TMEM192: variants seen among roughly 807,000 people sequenced by gnomAD.
TMEM192 encodes transmembrane protein 192.
In TMEM192, 20 loss-of-function variants were observed where a neutral mutation model predicts 26.7. That is an observed-to-expected ratio of 0.75 (90% CI 0.53 to 1.09). The LOEUF (loss-of-function observed/expected upper bound fraction) is 1.09, where lower values mean the gene tolerates loss of function less well. Among genes scored for constraint, TMEM192 ranks in the 50% least tolerant of loss-of-function variants. The pLI is 0.00. For missense variants in TMEM192, 304 were observed against 322.6 expected (o/e 0.94, Z 0.44); for synonymous variants, 124 against 121.0 (o/e 1.02, Z -0.16).
chr4:165,078,880 C>G lies in TMEM192; in HGVS notation c.*778G>C, dbSNP rs1299441391. The G allele has an allele frequency of 6.6e-6, 1 of 152,182 alleles. No individual in the cohort carries two copies. The highest frequency in any genetic ancestry group is 1.5e-5 in the Non-Finnish European group (1 of 68,042). 9.4% of individuals were successfully genotyped at this position (152,182 alleles called of 1,614,324 possible). ...TCTCGGCTCACTGCAAGCTCCGCCT[C>G]CTGGGTCCACACCATTCTCCTGCCT... is the stretch of plus-strand genomic sequence containing the variant. On this transcript the variant is annotated 3_prime_UTR_variant, in exon 6 of 6. Coordinates refer to ENST00000306480, the MANE Select transcript of TMEM192 (RefSeq NM_001100389.2).
rs765146576 is a variant in TMEM192 at position 165,085,625 on chromosome 4, T to C, written c.638A>G (p.Tyr213Cys). Residue 213 changes from tyrosine (Y) to cysteine (C), a missense_variant, in exon 5 of 6, where the codon TAT becomes TGT. Physicochemically the swap from Tyr to Cys is radical, Grantham distance 194. Transcript: ENST00000306480. ...CGAGGTAATATTGCTGGGGTAAGCA[T>C]AGATTTTTTCTTCTTCAAGTATATC... The part of the protein sequence containing the change: ...EPDILEEEKI[Y>C]AYPSNITSET... 3 of 1,612,952 alleles carry C rather than the reference T, an allele frequency of 1.9e-6. No individual in the cohort carries two copies. Among genetic ancestry groups the C allele is most frequent in the Non-Finnish European group, 2.5e-6 (3 of 1,179,624 alleles).
rs550358438 is a variant in TMEM192, at chr4:165,074,729, C to A, written c.*4929G>T. ...AAGTGCTGGAATTACCGGTGTGAGC[C>A]ACTGCGCCCAGCCTTAATTTTGTAT... On this transcript the variant is annotated 3_prime_UTR_variant, in exon 6 of 6. Coordinates refer to ENST00000306480, the MANE Select transcript of TMEM192 (RefSeq NM_001100389.2). 2 of 152,134 alleles carry A rather than the reference C, an allele frequency of 1.3e-5. No homozygotes were observed. Among genetic ancestry groups the A allele is most frequent in the South Asian group, 4.2e-4 (2 of 4,804 alleles). 9.4% of individuals were successfully genotyped at this position (152,134 alleles called of 1,614,324 possible).
At chr4:165,099,233 C>A (rs1734984597) in intron 3 of TMEM192, among the ~76,000 whole-genome samples, 1 of 149,956 alleles carries the variant, frequency 6.7e-6, no homozygotes, top group Non-Finnish European at 1.5e-5. Flanking sequence ...ACCACAGGGG[C>A]ACACCACCAC....
intron 1 of TMEM192, among the ~76,000 whole-genome samples, chr4:165,111,278 G>A (rs1055333474): frequency 6.6e-6 from 1 of 152,076 alleles, no homozygotes; most frequent in African/African-American, 2.4e-5. Context: ...ATTTTTAGTG[G>A]AGACGGGGTT....
intron 1 of TMEM192, among the ~76,000 whole-genome samples, chr4:165,105,989 G>A (rs1283591193): frequency 6.6e-6 from 1 of 152,144 alleles, no homozygotes; most frequent in Non-Finnish European, 1.5e-5. Flanking sequence ...GCAGCAAGAA[G>A]GCGCCATCTT....
At chr4:165,097,260 C>T (rs1429819173) in intron 3 of TMEM192, among the ~76,000 whole-genome samples, 3 of 151,932 alleles carry the variant, frequency 2.0e-5, no homozygotes, top group South Asian at 2.1e-4. Flanking sequence ...TTTGGGAGGC[C>T]GAGGCCGGCG....
chr4:165,103,720 C>T (rs1735101109), intron 1 of TMEM192, among the ~76,000 whole-genome samples: 1 of 152,070 alleles, frequency 6.6e-6, no homozygotes. Flanking sequence ...TGGGGTTTCT[C>T]TATGTTGGTC....
chr4:165,101,123 C>T lies in TMEM192; in HGVS notation c.175-231G>A, dbSNP rs192887917. Among the ~76,000 whole-genome samples, 464 of 151,228 alleles carry T rather than the reference C, an allele frequency of 3.1e-3. 2 individuals are homozygous for T. The highest frequency in any genetic ancestry group is 0.011 in the African/African-American group (442 of 41,224). On this transcript the variant is annotated intron_variant, in intron 2 of 5. Coordinates refer to ENST00000306480, the MANE Select transcript of TMEM192 (RefSeq NM_001100389.2). The stretch of plus-strand genomic sequence containing the variant: ...TCCCGAGTAGCTGGGACTACAGGCA[C>T]CCGCCACCACGCCTGGCTAACTTTT...
At position 165,100,630 on chromosome 4, in the gene TMEM192, G is replaced by T. The variant is rs1735016369; in HGVS notation, c.437C>A (p.Ser146Tyr). ...LKRLALMIQS[S>Y]GNTVLLLILC... ...AGCTGAGAGAAAATTGGACATACCA[G>T]AGGACTGTATCATCAACGCAAGTCT... Residue 146 changes from serine (S) to tyrosine (Y), a missense_variant and splice_region_variant, in exon 3 of 6, where the codon TCT becomes TAT. Coordinates refer to ENST00000306480, the MANE Select transcript of TMEM192 (RefSeq NM_001100389.2). 1 of 1,613,972 alleles carries T rather than the reference G, an allele frequency of 6.2e-7. No individual in the cohort carries two copies. The highest frequency in any genetic ancestry group is 8.5e-7 in the Non-Finnish European group (1 of 1,179,938).
At chr4:165,086,584 G>A (rs1298284380) in intron 4 of TMEM192, among the ~76,000 whole-genome samples, 1 of 151,950 alleles carries the variant, frequency 6.6e-6, no homozygotes, top group Non-Finnish European at 1.5e-5. Context: ...ACCACACCCA[G>A]CTAATTTTTT....
chr4:165,096,033 G>A (rs1486004572), intron 3 of TMEM192, among the ~76,000 whole-genome samples: 2 of 151,094 alleles, frequency 1.3e-5, no homozygotes, highest in African/African-American at 4.9e-5. Context: ...CTGACATCAG[G>A]TGATCTGCCT....
intron 4 of TMEM192, among the ~76,000 whole-genome samples, chr4:165,088,192 T>C (rs1044571333): frequency 6.6e-6 from 1 of 152,194 alleles, no homozygotes; most frequent in Non-Finnish European, 1.5e-5. Flanking sequence ...ATTACAGGCT[T>C]GAGCCACCAT....
chr4:165,089,483 G>A (rs750544839), intron 3 of TMEM192, among the ~76,000 whole-genome samples: 7 of 152,140 alleles, frequency 4.6e-5, no homozygotes, highest in East Asian at 1.9e-4. Flanking sequence ...CACCACGCCC[G>A]GCTAATTTTT....
At chr4:165,104,567 G>A (rs907657924) in intron 1 of TMEM192, among the ~76,000 whole-genome samples, 4 of 152,140 alleles carry the variant, frequency 2.6e-5, no homozygotes, top group Non-Finnish European at 4.4e-5. Flanking sequence ...ATCTCGCTCT[G>A]TCGCCGAGGC....
Position 165,088,622 on chromosome 4 carries a change from AAC to A in TMEM192, c.440-22_440-21del. 1 of 1,602,752 alleles carries A rather than the reference AAC, an allele frequency of 6.2e-7. No homozygotes were observed. Among genetic ancestry groups the A allele is most frequent in the Middle Eastern group, 1.7e-4 (1 of 6,010 alleles). ...TGTTGCCTGAGGAGGAGAAACATAA[AAC>A]ACAGCATGTGATGAGAAATACATAT... is the stretch of plus-strand genomic sequence containing the variant. On this transcript the variant is annotated intron_variant, in intron 3 of 5. Transcript: ENST00000306480.
intron 3 of TMEM192, among the ~76,000 whole-genome samples, chr4:165,100,307 G>A (rs1735008517): frequency 6.6e-6 from 1 of 151,750 alleles, no homozygotes; most frequent in Non-Finnish European, 1.5e-5. Context: ...TTACAGGCAT[G>A]CACCACCACG....
intron 1 of TMEM192, among the ~76,000 whole-genome samples, chr4:165,108,216 G>A (rs1325273724): frequency 2.2e-5 from 3 of 139,038 alleles, no homozygotes; most frequent in Non-Finnish European, 4.5e-5. Context: ...TCTGCCTCCT[G>A]CGTTCACACC....
At chr4:165,086,566 C>T (rs530367182) in intron 4 of TMEM192, among the ~76,000 whole-genome samples, 6 of 152,054 alleles carry the variant, frequency 3.9e-5, no homozygotes, top group Non-Finnish European at 5.9e-5. Flanking sequence ...GGATTACAGG[C>T]GTGCACCACC....
chr4:165,102,716 A>C (rs1735064762), intron 2 of TMEM192, among the ~76,000 whole-genome samples: 1 of 152,064 alleles, frequency 6.6e-6, no homozygotes, highest in Non-Finnish European at 1.5e-5. Flanking sequence ...TATTATCAAC[A>C]ATATCTTTAC....
Sources: allele counts gnomAD v4.1 joint callset (sites outside exome capture counted in the v4.1 genomes callset), GRCh38; gene constraint gnomAD v4.1.1; transcripts MANE v1.5; gene names NCBI Gene and HGNC (gene_info 2026-07-23, HGNC 2026-07-21).